Variants in PTPRT observed in about 807,000 individuals in gnomAD.
PTPRT encodes the protein receptor-type tyrosine-protein phosphatase T.
In PTPRT, 56 loss-of-function variants were observed where a neutral mutation model predicts 176.8. The ratio of observed to expected loss-of-function variants is 0.32; its 90% confidence interval spans 0.26 to 0.40. The LOEUF (loss-of-function observed/expected upper bound fraction) is 0.40, where lower values mean the gene tolerates loss of function less well. Among genes scored for constraint, PTPRT ranks in the 10% least tolerant of loss-of-function variants. PTPRT has a pLI of 1.00. For synonymous variants in PTPRT, 783 were observed against 739.0 expected, an observed-to-expected ratio of 1.06 and a Z score of -0.96; for missense variants, 1,540 against 1,908.2, an observed-to-expected ratio of 0.81 and a Z score of 3.60.
At chr20:42,339,348 G>C (rs2058081619) in intron 11 of PTPRT, among the ~76,000 whole-genome samples, 1 of 152,108 alleles carries the variant, frequency 6.6e-6, no homozygotes, top group South Asian at 2.1e-4. Context: ...ACGTGGACAG[G>C]GATAGAGAAA....
chr20:42,152,059 C>T (rs1989157341), intron 17 of PTPRT, among the ~76,000 whole-genome samples: 1 of 152,200 alleles, frequency 6.6e-6, no homozygotes, highest in Admixed American at 6.5e-5. Flanking sequence ...GCAGGTTGTG[C>T]ACAATCGAAG....
intron 6 of PTPRT, among the ~76,000 whole-genome samples, chr20:42,755,363 T>C (rs1459365568): frequency 6.6e-6 from 1 of 152,160 alleles, no homozygotes; most frequent in Non-Finnish European, 1.5e-5. Flanking sequence ...TTAGGAGGCC[T>C]CAAAGGCTCG....
At chr20:43,139,052 C>T (rs982674270) in intron 1 of PTPRT, among the ~76,000 whole-genome samples, 2 of 152,222 alleles carry the variant, frequency 1.3e-5, no homozygotes, top group Non-Finnish European at 2.9e-5. Flanking sequence ...AATGAAGACG[C>T]CCCATGTAAC....
intron 13 of PTPRT, among the ~76,000 whole-genome samples, chr20:42,253,196 A>G (rs1043230422): frequency 6.6e-6 from 1 of 152,172 alleles, no homozygotes; most frequent in Non-Finnish European, 1.5e-5. Flanking sequence ...TACATCTTAA[A>G]TGCTCAGTGG....
At chr20:42,446,074 T>C (rs555399345) in intron 9 of PTPRT, among the ~76,000 whole-genome samples, 4 of 152,246 alleles carry the variant, frequency 2.6e-5, no homozygotes, top group Admixed American at 2.6e-4. Flanking sequence ...AAGGATCCAA[T>C]CTAATGCATC....
Position 42,190,018 on chromosome 20 carries a change from G to T in PTPRT, c.2491+9222C>A, listed in dbSNP as rs200743770. The stretch of plus-strand genomic sequence containing the variant: ...AAACAATTCCATTCAACTTTGGGTT[G>T]CCAGGAACTTAATAAGTGTGTCCTT... On this transcript the variant is annotated intron_variant, in intron 16 of 30. Transcript: ENST00000373187. Among the ~76,000 whole-genome samples, 8 of 152,270 alleles carry T rather than the reference G, an allele frequency of 5.3e-5. No homozygotes were observed. The East Asian group carries it at 7.7e-4, about 15-fold the overall frequency.
intron 1 of PTPRT, among the ~76,000 whole-genome samples, chr20:42,962,609 T>TCC (rs1268853948): frequency 1.3e-5 from 2 of 152,196 alleles, no homozygotes; most frequent in African/African-American, 4.8e-5. Context: ...TTCTTTACAA[T>TCC]ACTGGGCTGA....
intron 6 of PTPRT, among the ~76,000 whole-genome samples, chr20:42,756,175 A>T (rs2076829434): frequency 6.6e-6 from 1 of 152,254 alleles, no homozygotes; most frequent in Admixed American, 6.5e-5. Context: ...TTTAAATACA[A>T]AATAAAGCCA....
chr20:42,975,216 A>G (rs906066114), intron 1 of PTPRT, among the ~76,000 whole-genome samples: 13 of 152,264 alleles, frequency 8.5e-5, no homozygotes, highest in Admixed American at 6.5e-5. Context: ...TCAATGGAAT[A>G]TCATGCAGCC....
chr20:42,876,878 T>C (rs571095052), intron 2 of PTPRT, among the ~76,000 whole-genome samples: 2 of 151,854 alleles, frequency 1.3e-5, no homozygotes, highest in Admixed American at 6.6e-5. Flanking sequence ...TACAGAAGCA[T>C]AGTAGAGAGG....
At chr20:42,474,285 A>C (rs138249725) in intron 7 of PTPRT, among the ~76,000 whole-genome samples, 305 of 152,294 alleles carry the variant, frequency 2.0e-3, no homozygotes, top group Non-Finnish European at 3.5e-3. Flanking sequence ...GCACCAATGC[A>C]GCAATAAGAA....
chr20:42,260,171 A>G (rs1455333395), intron 13 of PTPRT, among the ~76,000 whole-genome samples: 2 of 102,810 alleles, frequency 1.9e-5, no homozygotes, highest in Non-Finnish European at 5.0e-5. Flanking sequence ...ACAAAACTAG[A>G]CTACAAACTT....
intron 7 of PTPRT, among the ~76,000 whole-genome samples, chr20:42,602,889 A>C (rs1237087503): frequency 1.3e-5 from 2 of 152,190 alleles, no homozygotes; most frequent in South Asian, 2.1e-4. Flanking sequence ...GTAAAATGGA[A>C]ATGATAAACA....
chr20:42,324,576 A>G (rs2057854457), intron 11 of PTPRT, among the ~76,000 whole-genome samples: 1 of 152,184 alleles, frequency 6.6e-6, no homozygotes, highest in Non-Finnish European at 1.5e-5. Context: ...GTCCTTTCAC[A>G]CTTCAAAAGT....
intron 7 of PTPRT, among the ~76,000 whole-genome samples, chr20:42,515,316 C>T (rs2145474265): frequency 6.6e-6 from 1 of 152,248 alleles, no homozygotes; most frequent in South Asian, 2.1e-4. Context: ...AACCCCATCT[C>T]TACTAAAATT....
At chr20:42,579,796 G>A (rs115012989) in intron 7 of PTPRT, among the ~76,000 whole-genome samples, 2,997 of 152,160 alleles carry the variant, frequency 0.02, 86 homozygotes, top group African/African-American at 0.069. Flanking sequence ...GTAAATTCTC[G>A]ATATTAGCCT....
chr20:42,892,776 C>T (rs1042676669), intron 1 of PTPRT, among the ~76,000 whole-genome samples: 25 of 152,214 alleles, frequency 1.6e-4, no homozygotes, highest in African/African-American at 5.3e-4. Context: ...CACAGGACTG[C>T]GTCCCTCCAA....
At chr20:42,832,700 GA>G (rs60235829) in intron 2 of PTPRT, among the ~76,000 whole-genome samples, 22,825 of 75,408 alleles carry the variant, frequency 0.3, 1,913 homozygotes, top group South Asian at 0.4. Flanking sequence ...AATACAGAAA[GA>G]AAAAAAAAAA....
intron 14 of PTPRT, among the ~76,000 whole-genome samples, chr20:42,248,190 A>C (rs2056486485): frequency 6.6e-6 from 1 of 151,872 alleles, no homozygotes; most frequent in African/African-American, 2.4e-5. Flanking sequence ...GTAATTGGGA[A>C]CTCTCACACC....
Sources: allele counts gnomAD v4.1 joint callset (sites outside exome capture counted in the v4.1 genomes callset), GRCh38; gene constraint gnomAD v4.1.1; transcripts MANE v1.5; gene names NCBI Gene and HGNC (gene_info 2026-07-23, HGNC 2026-07-21).